Variants in TIE1 observed in about 807,000 individuals in gnomAD.
TIE1 encodes tyrosine-protein kinase receptor Tie-1.
A neutral mutation model predicts 130.5 loss-of-function variants in TIE1; 89 were observed. The ratio of observed to expected loss-of-function variants is 0.68; its 90% CI spans 0.57 to 0.81. The LOEUF (loss-of-function observed/expected upper bound fraction) is 0.81. TIE1 is among the 40% of genes least tolerant of loss of function. TIE1 has a pLI of 0.00. For missense variants in TIE1, 1,392 were observed against 1,559.8 expected, an observed-to-expected ratio of 0.89 and a Z score of 1.81; for synonymous variants, 568 against 629.4, an observed-to-expected ratio of 0.90 and a Z score of 1.46.
Position 43,319,195 on chromosome 1 carries a change from C to T in TIE1, c.2923-40C>T. ...TACTGGCCTGACTGTCCTGGGCTCC[C>T]TCATCCCCAGTCTCTCCTGACTTCT... On this transcript the variant is annotated intron_variant, in intron 17 of 22. Transcript: ENST00000372476. This position sits in a 1 kb window ranked among gnomAD's most constrained non-coding sequence, Gnocchi z 4.7. 6.6e-7 allele frequency: 1 copy of T among 1,523,678 alleles called. No homozygotes were observed. 94.4% of individuals were successfully genotyped at this position (1,523,678 alleles called of 1,614,324 possible).
At position 43,319,487 on chromosome 1, in the gene TIE1, T is replaced by C. The variant is rs1016996672; in HGVS notation, c.3065T>C (p.Ile1022Thr). 26 of 1,613,946 alleles carry C rather than the reference T, an allele frequency of 1.6e-5. No individual in the cohort carries two copies. The highest frequency in any genetic ancestry group is 2.1e-5 in the Non-Finnish European group (25 of 1,179,992). Residue 1022 changes from isoleucine to threonine, a missense_variant, in exon 19 of 23, where the codon ATT becomes ACT. This residue lies in a region of TIE1 where 8 missense variants were observed against 31.1 expected (regional missense o/e 0.26). Coordinates refer to ENST00000372476, the MANE Select transcript of TIE1 (RefSeq NM_005424.5). The surrounding 1 kb of genome is among the most constrained non-coding windows in gnomAD (Gnocchi z 4.7). The stretch of plus-strand genomic sequence containing the variant: ...CGTCTCCCTGTGCGCTGGATGGCCA[T>C]TGAGTCCCTGAACTACAGTGTCTAT... Reference protein sequence around the residue: ...MGRLPVRWMAIESLNYSVYTT... With the variant: ...MGRLPVRWMATESLNYSVYTT...
Position 43,306,692 on chromosome 1 carries a change from T to C in TIE1, c.485-148T>C. 1 of 1,018,678 alleles carries C rather than the reference T, an allele frequency of 9.8e-7. No homozygotes were observed. The highest frequency in any genetic ancestry group is 2.4e-5 in the East Asian group (1 of 40,986). The allele number at this position is 1,018,678 out of a possible 1,614,324, so 63.1% of individuals were successfully genotyped here. A position where few individuals can be genotyped will look rare whatever the true frequency, so the allele number is the denominator to read the frequency against. On this transcript the variant is annotated intron_variant, in intron 3 of 22. Transcript: ENST00000372476. This position sits in a 1 kb window ranked among gnomAD's most constrained non-coding sequence, Gnocchi z 4.9. ...AAGAAGAGGGCACTTCTGAGCTTTC[T>C]GGCGTGGGCATAGGCTCTCGTGGTG...
Position 43,312,525 on chromosome 1 carries a change from G to A in TIE1, c.1851G>A (p.Gln617=), listed in dbSNP as rs759140998. 7 of 1,613,430 alleles carry A rather than the reference G, an allele frequency of 4.3e-6. No homozygotes were observed. Among genetic ancestry groups the A allele is most frequent in the Non-Finnish European group, 5.9e-6 (7 of 1,179,884 alleles). ...GACTCACGCCTGGCACCCACTACCA[G>A]CTGGATGTGCAGCTCTACCACTGCA... The part of the protein sequence containing the change: ...LTGLTPGTHY[Q]LDVQLYHCTL... Residue 617 remains glutamine, a synonymous_variant, in exon 12 of 23, where the codon CAG becomes CAA. Coordinates refer to ENST00000372476, the MANE Select transcript of TIE1 (RefSeq NM_005424.5). The surrounding 1 kb of genome is among the most constrained non-coding windows in gnomAD (Gnocchi z 5.6).
Position 43,312,462 on chromosome 1 carries a change from C to T in TIE1, c.1788C>T (p.Asn596=), listed in dbSNP as rs761797941. Residue 596 remains asparagine (N), a synonymous_variant, in exon 12 of 23, where the codon AAC becomes AAT. Transcript: ENST00000372476. This position sits in a 1 kb window ranked among gnomAD's most constrained non-coding sequence, Gnocchi z 5.6. ...CACGGGGGCAGGAGCGGCGGGAGAA[C>T]GTCTCATCCCCCCAGGCCCGCACTG... ...DGTRGQERRE[N]VSSPQARTAL... is the part of the protein sequence containing the mutation. 22 of 1,610,328 alleles carry T rather than the reference C, an allele frequency of 1.4e-5. No homozygotes were observed. The Middle Eastern group carries it at 2.7e-3, about 194-fold the overall frequency.
At position 43,321,050 on chromosome 1, in the gene TIE1, A is replaced by AAAAAC. The variant is rs1553125878; in HGVS notation, c.3108-209_3108-205dup. 3.8e-3 allele frequency among the ~76,000 whole-genome samples: 487 copies of AAAAAC among 128,058 alleles called. 8 individuals are homozygous for AAAAAC. The highest frequency in any genetic ancestry group is 8.9e-3 in the Middle Eastern group (2 of 224). 84.0% of individuals were successfully genotyped at this position (128,058 alleles called of 152,430 possible). On this transcript the variant is annotated intron_variant, in intron 19 of 22. Transcript: ENST00000372476. The stretch of plus-strand genomic sequence containing the variant: ...CCTGTCTCAAAAAAAAAAAAAAAAA[A>AAAAAC]AAAACAAAACAAAAGAGCTCTAATT...
Position 43,307,941 on chromosome 1 carries a change from C to A in TIE1, c.1042+17C>A, listed in dbSNP as rs1173308122. 7 of 1,613,122 alleles carry A rather than the reference C, an allele frequency of 4.3e-6. No homozygotes were observed. Among genetic ancestry groups the A allele is most frequent in the Non-Finnish European group, 4.2e-6 (5 of 1,179,202 alleles). On this transcript the variant is annotated intron_variant, in intron 7 of 22. Transcript: ENST00000372476. This position sits in a 1 kb window ranked among gnomAD's most constrained non-coding sequence, Gnocchi z 5.4. ...AGAAGTCAGGTATAAGCACTATGAC[C>A]TCTGAGAGCCCCCCAAGATAAGTCG... is the stretch of plus-strand genomic sequence containing the variant.
rs565843841 is a variant in TIE1 at position 43,317,978 on chromosome 1, G to T, written c.2828G>T (p.Arg943Leu). 6.2e-7 allele frequency: 1 copy of T among 1,612,156 alleles called. No homozygotes were observed. The highest frequency in any genetic ancestry group is 2.2e-5 in the East Asian group (1 of 44,880). Residue 943 changes from arginine (R) to leucine (L), a missense_variant, in exon 17 of 23, where the codon CGA (arginine) becomes CTA (leucine). By Grantham distance (102) the Arg-to-Leu change is moderately radical. Around this residue, in one of 6 missense-constraint regions of TIE1, gnomAD observed 286 missense variants for 354.4 expected, o/e 0.81. Transcript: ENST00000372476. The surrounding 1 kb of genome is among the most constrained non-coding windows in gnomAD (Gnocchi z 5.1). ...RVLETDPAFA[R>L]EHGTASTLSS... ...CTAGAGACTGACCCAGCTTTTGCTC[G>T]AGAGCATGGGACAGCCTCTACCCTT...
At position 43,322,097 on chromosome 1, in the gene TIE1, A is replaced by G. The variant is rs1439787639; in HGVS notation, c.3345+382A>G. On this transcript the variant is annotated intron_variant, in intron 22 of 22. Coordinates refer to ENST00000372476, the MANE Select transcript of TIE1 (RefSeq NM_005424.5). The surrounding 1 kb of genome is among the most constrained non-coding windows in gnomAD (Gnocchi z 4.0). Reference sequence around the variant, plus strand: ...CACTAACCAGATGGATGGATGGGTGAATGAGTGATACAGTAACCGTATGAA... The same window carrying G: ...CACTAACCAGATGGATGGATGGGTGGATGAGTGATACAGTAACCGTATGAA... Among the ~76,000 whole-genome samples, 1 of 152,196 alleles carries G rather than the reference A, an allele frequency of 6.6e-6. No individual in the cohort carries two copies. The highest frequency in any genetic ancestry group is 1.5e-5 in the Non-Finnish European group (1 of 68,034).
At chr1:43,321,549 C>T (rs550059309) in intron 21 of TIE1, 57 bp downstream of exon 21, 1 of 1,563,874 alleles carries the variant, frequency 6.4e-7, no homozygotes, top group East Asian at 2.4e-5. Flanking sequence ...GTGACCTCAG[C>T]TTTGATCCCT....
At position 43,307,147 on chromosome 1, in the gene TIE1, G is replaced by A. The variant is rs111687857; in HGVS notation, c.646G>A (p.Gly216Arg). The change falls in exon 5 of 23, where the codon GGG becomes AGG. Residue 216 changes from glycine (G) to arginine (R), a missense_variant. By Grantham distance (125) the Gly-to-Arg change is moderately radical. This residue lies in a region of TIE1 where 415 missense variants were observed against 424.8 expected (regional missense o/e 0.98). Coordinates refer to ENST00000372476, the MANE Select transcript of TIE1 (RefSeq NM_005424.5). The surrounding 1 kb of genome is among the most constrained non-coding windows in gnomAD (Gnocchi z 5.4). ...AFFRLIVRGC[G>R]AGRWGPGCTK... ...CTGAAGACACCTTCCTCCAGGTTGT[G>A]GGGCTGGGCGCTGGGGGCCAGGCTG... 694 of 1,614,066 alleles carry A rather than the reference G, an allele frequency of 4.3e-4. 5 individuals carry two copies. The African/African-American group carries it at 7.8e-3, about 18-fold the overall frequency.
chr1:43,312,409 G>T lies in TIE1; in HGVS notation c.1735G>T (p.Gly579Cys). The change falls in exon 12 of 23, where the codon GGT becomes TGT. Residue 579 changes from glycine to cysteine, a missense_variant. Physicochemically the swap from Gly to Cys is radical, Grantham distance 159. Coordinates refer to ENST00000372476, the MANE Select transcript of TIE1 (RefSeq NM_005424.5). The surrounding 1 kb of genome is among the most constrained non-coding windows in gnomAD (Gnocchi z 5.6). ...PLVPGPLVGDGFLLRLWDGTR... is the reference protein window; with the variant it reads ...PLVPGPLVGDCFLLRLWDGTR... ...GGTGCCCGGGCCACTGGTGGGCGAC[G>T]GTTTCCTGCTGCGCCTGTGGGACGG... 6.2e-7 allele frequency: 1 copy of T among 1,609,012 alleles called. No individual in the cohort carries two copies. The highest frequency in any genetic ancestry group is 8.5e-7 in the Non-Finnish European group (1 of 1,177,948).
Position 43,317,172 on chromosome 1 carries a change from T to A in TIE1, c.2410-27T>A. The A allele has an allele frequency of 6.2e-7, 1 of 1,612,280 alleles. No homozygotes were observed. The highest frequency in any genetic ancestry group is 1.7e-5 in the Admixed American group (1 of 60,006). The stretch of plus-strand genomic sequence containing the variant: ...CCCCCTTTGACTCTTGCGTGGACCG[T>A]CTGCCCTCTTGTCTCATCCTGTGAA... On this transcript the variant is annotated intron_variant, in intron 14 of 22. Coordinates refer to ENST00000372476, the MANE Select transcript of TIE1 (RefSeq NM_005424.5). The surrounding 1 kb of genome is among the most constrained non-coding windows in gnomAD (Gnocchi z 5.1).
At position 43,307,204 on chromosome 1, in the gene TIE1, G is replaced by C; in HGVS notation, c.703G>C (p.Gly235Arg). 1 of 1,614,158 alleles carries C rather than the reference G, an allele frequency of 6.2e-7. No homozygotes were observed. The highest frequency in any genetic ancestry group is 8.5e-7 in the Non-Finnish European group (1 of 1,180,014). Residue 235 changes from glycine (G) to arginine (R), a missense_variant, in exon 5 of 23, where the codon GGT becomes CGT. Gly to Arg is a moderately radical substitution (Grantham distance 125, BLOSUM62 -2). Around this residue, in one of 6 missense-constraint regions of TIE1, gnomAD observed 415 missense variants for 424.8 expected, o/e 0.98. Coordinates refer to ENST00000372476, the MANE Select transcript of TIE1 (RefSeq NM_005424.5). The surrounding 1 kb of genome is among the most constrained non-coding windows in gnomAD (Gnocchi z 5.4). ...GGAGTGCCCAGGTTGCCTACATGGAGGTGTCTGCCACGACCATGACGGCGA... is the reference window on the plus strand; with the variant it reads ...GGAGTGCCCAGGTTGCCTACATGGACGTGTCTGCCACGACCATGACGGCGA... The part of the protein sequence containing the change: ...TKECPGCLHG[G>R]VCHDHDGECV...
chr1:43,321,089 G>C (rs1227521123), intron 19 of TIE1, among the ~76,000 whole-genome samples, 180 bp from the exon 20 acceptor site: 1 of 151,678 alleles, frequency 6.6e-6, no homozygotes, highest in Non-Finnish European at 1.5e-5. Flanking sequence ...CTGAGCCCAG[G>C]GATGGGGGCA....
At position 43,315,817 on chromosome 1, in the gene TIE1, C is replaced by T. The variant is rs1403783227; in HGVS notation, c.2410-1382C>T. 1.3e-5 allele frequency among the ~76,000 whole-genome samples: 2 copies of T among 152,262 alleles called. No individual in the cohort carries two copies. Among genetic ancestry groups the T allele is most frequent in the South Asian group, 2.1e-4 (1 of 4,818 alleles). On this transcript the variant is annotated intron_variant, in intron 14 of 22. Transcript: ENST00000372476. This position sits in a 1 kb window ranked among gnomAD's most constrained non-coding sequence, Gnocchi z 4.4. ...CAGGAGGTGGGAAAGCAGTCCTTAA[C>T]ATACATGGTGTCATACTCTATATCA...
Position 43,313,974 on chromosome 1 carries a change from T to C in TIE1, c.2409+6T>C, listed in dbSNP as rs1445913772. 1 of 1,613,524 alleles carries C rather than the reference T, an allele frequency of 6.2e-7. No individual in the cohort carries two copies. Among genetic ancestry groups the C allele is most frequent in the East Asian group, 2.2e-5 (1 of 44,880 alleles). ...TCACCTACCAGTCAGGCTCGGTCAGTGACCCGCCCCGCCCCTGGGTGCATG... is the reference window on the plus strand; with the variant it reads ...TCACCTACCAGTCAGGCTCGGTCAGCGACCCGCCCCGCCCCTGGGTGCATG... On this transcript the variant is annotated splice_donor_region_variant and intron_variant, in intron 14 of 22. Transcript: ENST00000372476. This position sits in a 1 kb window ranked among gnomAD's most constrained non-coding sequence, Gnocchi z 6.2.
rs1646744045 is a variant in TIE1, at chr1:43,307,626, G to T, written c.913+54G>T. The T allele has an allele frequency of 6.2e-6, 10 of 1,611,708 alleles. No individual in the cohort carries two copies. Among genetic ancestry groups the T allele is most frequent in the Non-Finnish European group, 7.6e-6 (9 of 1,178,386 alleles). On this transcript the variant is annotated intron_variant, in intron 6 of 22. Coordinates refer to ENST00000372476, the MANE Select transcript of TIE1 (RefSeq NM_005424.5). This position sits in a 1 kb window ranked among gnomAD's most constrained non-coding sequence, Gnocchi z 5.4. ...GACCAAGACAGCTGGCCAGGAGCTT[G>T]ACCCGGACCCTCCACTCTGCCTCTG...
rs1442012423 is a variant in TIE1, at chr1:43,305,058, C to A, written c.266C>A (p.Thr89Lys). ...GCGCGCAACGGTTCGCACCAGGTCA[C>A]GCTTCGCGGCTTCTCCAAGCCCTCG... ...RLARNGSHQV[T>K]LRGFSKPSDL... The change falls in exon 2 of 23, where the codon ACG (threonine) becomes AAG (lysine). Residue 89 changes from threonine (T) to lysine (K), a missense_variant. Thr to Lys is a moderately conservative substitution (Grantham distance 78, BLOSUM62 -1). This residue lies in a region of TIE1 where 415 missense variants were observed against 424.8 expected (regional missense o/e 0.98). Transcript: ENST00000372476. 1 of 1,607,772 alleles carries A rather than the reference C, an allele frequency of 6.2e-7. No individual in the cohort carries two copies. Among genetic ancestry groups the A allele is most frequent in the Admixed American group, 1.7e-5 (1 of 59,512 alleles).
chr1:43,318,181 C>A lies in TIE1; in HGVS notation c.2922+109C>A. On this transcript the variant is annotated intron_variant, in intron 17 of 22. Transcript: ENST00000372476. This position sits in a 1 kb window ranked among gnomAD's most constrained non-coding sequence, Gnocchi z 4.4. ...GTATCTGGGGATTGAGGTTCCTGGC[C>A]CAAGTGTGTGGGTGGGTGCAAGCAC... 7.3e-7 allele frequency: 1 copy of A among 1,367,000 alleles called. No individual in the cohort carries two copies. The highest frequency in any genetic ancestry group is 9.8e-7 in the Non-Finnish European group (1 of 1,025,282). 84.7% of individuals were successfully genotyped at this position (1,367,000 alleles called of 1,614,324 possible). A position where few individuals can be genotyped will look rare whatever the true frequency, so the allele number is the denominator to read the frequency against.
Sources: gnomAD v4.1 joint callset for allele counts (sites outside exome capture counted in the v4.1 genomes callset) on GRCh38, gnomAD v4.1.1 for gene constraint, gnomAD v4.1.1 regional missense constraint, Gnocchi (gnomAD v3.1) non-coding constraint, MANE v1.5 for transcripts, NCBI Gene and HGNC (gene_info 2026-07-23, HGNC 2026-07-21) for gene names.